Variants in WWTR1 observed in about 807,000 individuals in gnomAD.
WWTR1 encodes WW domain-containing transcription regulator protein 1.
Under a neutral mutation model 40.1 loss-of-function variants are expected in WWTR1, and 13 were observed. The observed-to-expected ratio is 0.32, with a 90% confidence interval of 0.21 to 0.52. The LOEUF (loss-of-function observed/expected upper bound fraction) is 0.52, where lower values mean the gene tolerates loss of function less well. Ranked by LOEUF, WWTR1 falls within the 20% of genes least tolerant of loss-of-function variation. The pLI, the probability that WWTR1 is intolerant of heterozygous loss-of-function variation, is 0.97. For synonymous variants in WWTR1, 230 were observed against 210.1 expected, an observed-to-expected ratio of 1.09 and a Z score of -0.82; for missense variants, 436 against 523.1, an observed-to-expected ratio of 0.83 and a Z score of 1.63.
intron 1 of WWTR1, 158 bp downstream of exon 1, chr3:149,657,607 C>G: frequency 2.9e-6 from 1 of 343,066 alleles, no homozygotes; most frequent in Non-Finnish European, 5.3e-6. Flanking sequence ...TGCTGAACCG[C>G]AGGATGGCAA....
intron 4 of WWTR1, among the ~76,000 whole-genome samples, chr3:149,534,849 C>T (rs931235396): frequency 9.9e-5 from 15 of 152,050 alleles, no homozygotes; most frequent in South Asian, 2.1e-4. Context: ...AGCTGGAGGA[C>T]GGGTGATGTG....
chr3:149,643,768 T>C (rs1002451788), intron 2 of WWTR1, among the ~76,000 whole-genome samples: 2 of 152,170 alleles, frequency 1.3e-5, no homozygotes, highest in African/African-American at 2.4e-5. Flanking sequence ...CGTGGAAAAG[T>C]CATTCACTGG....
intron 3 of WWTR1, among the ~76,000 whole-genome samples, chr3:149,550,328 G>A (rs966466777): frequency 6.6e-6 from 1 of 152,068 alleles, no homozygotes; most frequent in Admixed American, 6.6e-5. Flanking sequence ...GGGAAATGTT[G>A]GGCTAAAGAA....
chr3:149,575,524 A>G (rs780242869), intron 2 of WWTR1, among the ~76,000 whole-genome samples: 2 of 152,212 alleles, frequency 1.3e-5, no homozygotes, highest in Admixed American at 1.3e-4. Context: ...CATCATGGAT[A>G]TTGATGCTGT....
At chr3:149,628,330 C>T (rs2108101944) in intron 2 of WWTR1, among the ~76,000 whole-genome samples, 1 of 152,206 alleles carries the variant, frequency 6.6e-6, no homozygotes, top group African/African-American at 2.4e-5. Context: ...GATCACGCCA[C>T]TGCACTCCAG....
chr3:149,554,940 T>C (rs891515172), intron 3 of WWTR1, among the ~76,000 whole-genome samples: 5 of 152,218 alleles, frequency 3.3e-5, no homozygotes, highest in Admixed American at 1.3e-4. Context: ...AATTCCATGG[T>C]TGGGCAATAG....
At chr3:149,602,789 C>G (rs1486669446) in intron 2 of WWTR1, among the ~76,000 whole-genome samples, 1 of 152,024 alleles carries the variant, frequency 6.6e-6, no homozygotes, top group Non-Finnish European at 1.5e-5. Context: ...CTCAGCCTCC[C>G]GAGTTGCTGG....
At chr3:149,602,218 G>T (rs192374294) in intron 2 of WWTR1, among the ~76,000 whole-genome samples, 1 of 152,210 alleles carries the variant, frequency 6.6e-6, no homozygotes, top group East Asian at 1.9e-4. Flanking sequence ...AAAACCAAAG[G>T]CAAAGTTCAG....
chr3:149,616,728 C>T (rs566310699), intron 2 of WWTR1, among the ~76,000 whole-genome samples: 2 of 152,312 alleles, frequency 1.3e-5, no homozygotes, highest in South Asian at 4.1e-4. Context: ...AGGCATGAGC[C>T]ATTGCACCTG....
At chr3:149,575,671 T>TTA (rs1737845306) in intron 2 of WWTR1, among the ~76,000 whole-genome samples, 1 of 152,182 alleles carries the variant, frequency 6.6e-6, no homozygotes, top group South Asian at 2.1e-4. Context: ...GAATGATGCA[T>TTA]TCCTAAATGC....
chr3:149,695,772 AAAC>A (rs1406660009), intron 1 of WWTR1, among the ~76,000 whole-genome samples: 2 of 145,176 alleles, frequency 1.4e-5, no homozygotes, highest in African/African-American at 2.5e-5. Context: ...AAAAAAAAAA[AAAC>A]AAGAAAAGAA....
intron 2 of WWTR1, chr3:149,576,057 CA>C (rs781574071): frequency 6.6e-6 from 3 of 456,596 alleles, no homozygotes; most frequent in African/African-American, 2.0e-5. Context: ...GGCTGGAGTA[CA>C]AGAGGGAGCC....
At chr3:149,539,617 G>T (rs13325694) in intron 4 of WWTR1, among the ~76,000 whole-genome samples, 45,489 of 152,028 alleles carry the variant, frequency 0.3, 7,879 homozygotes, top group Non-Finnish European at 0.38. Context: ...ACAAACAGAA[G>T]TGTACAGATA....
At chr3:149,597,445 AAAGAAG>A (rs1227308134) in intron 2 of WWTR1, among the ~76,000 whole-genome samples, 1 of 135,868 alleles carries the variant, frequency 7.4e-6, no homozygotes, top group Non-Finnish European at 1.5e-5. Flanking sequence ...AAAAAAAAAA[AAAGAAG>A]AAGAAGAAGA....
At chr3:149,684,380 G>T (rs911894042) in intron 1 of WWTR1, among the ~76,000 whole-genome samples, 1 of 152,088 alleles carries the variant, frequency 6.6e-6, no homozygotes, top group Admixed American at 6.6e-5. Context: ...GTATGGCTGG[G>T]ACACGGGTGG....
intron 2 of WWTR1, among the ~76,000 whole-genome samples, chr3:149,639,120 T>C (rs1346498209): frequency 6.6e-6 from 1 of 152,212 alleles, no homozygotes; most frequent in Non-Finnish European, 1.5e-5. Flanking sequence ...CTAGCAATGG[T>C]CTACAAAGAC....
intron 2 of WWTR1, among the ~76,000 whole-genome samples, chr3:149,583,294 A>C (rs1480014633): frequency 6.6e-6 from 1 of 152,182 alleles, no homozygotes; most frequent in African/African-American, 2.4e-5. Flanking sequence ...AGAATAATTA[A>C]TAGGAAGTGG....
At chr3:149,563,389 C>T (rs1379976207) in intron 3 of WWTR1, among the ~76,000 whole-genome samples, 3 of 152,158 alleles carry the variant, frequency 2.0e-5, no homozygotes, top group African/African-American at 7.2e-5. Flanking sequence ...CTGAAGCAGA[C>T]TTGTACATTT....
chr3:149,612,352 T>A (rs767964085), intron 2 of WWTR1, among the ~76,000 whole-genome samples: 2 of 151,736 alleles, frequency 1.3e-5, no homozygotes, highest in African/African-American at 2.4e-5. Flanking sequence ...ACAGATTAAC[T>A]TAATCCATTA....
Sources: gnomAD v4.1 joint callset for allele counts (sites outside exome capture counted in the v4.1 genomes callset) on GRCh38, gnomAD v4.1.1 for gene constraint, MANE v1.5 for transcripts, NCBI Gene and HGNC (gene_info 2026-07-23, HGNC 2026-07-21) for gene names.